Variants in RARB observed in about 807,000 individuals in gnomAD.
RARB encodes HBV-activated protein.
In RARB, 17 loss-of-function variants were observed where a neutral mutation model predicts 51.9. The observed-to-expected ratio is 0.33, with a 90% CI of 0.22 to 0.49. RARB has a LOEUF of 0.49. RARB is among the 20% of genes least tolerant of loss of function. The pLI, the probability that RARB is intolerant of heterozygous loss-of-function variation, is 0.99. For synonymous variants in RARB, 215 were observed against 195.4 expected (o/e 1.10, Z -0.84); for missense variants, 369 against 550.8 (o/e 0.67, Z 3.30).
chr3:25,300,324 G>C (rs1225822288), intron 5 of RARB, among the ~76,000 whole-genome samples: 1 of 152,242 alleles, frequency 6.6e-6, no homozygotes, highest in Non-Finnish European at 1.5e-5. Context: ...TCATGTCTTT[G>C]TGGAGGAAGG....
chr3:24,917,634 G>A (rs1430156761), intron 2 of RARB, among the ~76,000 whole-genome samples: 3 of 152,168 alleles, frequency 2.0e-5, no homozygotes, highest in East Asian at 1.9e-4. Context: ...GGGTTCAAGC[G>A]ATTCTCCTGC....
At chr3:25,415,338 A>C (rs1316375895) in intron 5 of RARB, among the ~76,000 whole-genome samples, 2 of 152,134 alleles carry the variant, frequency 1.3e-5, no homozygotes, top group Admixed American at 6.5e-5. Flanking sequence ...CTTTACATTT[A>C]GGTCCAGGAT....
At chr3:25,082,082 C>T (rs761108262) in intron 3 of RARB, among the ~76,000 whole-genome samples, 1 of 152,102 alleles carries the variant, frequency 6.6e-6, no homozygotes, top group South Asian at 2.1e-4. Context: ...ACTTCAGCTT[C>T]CTTGATACTA....
At chr3:25,288,789 C>G (rs551543419) in intron 5 of RARB, among the ~76,000 whole-genome samples, 5 of 151,844 alleles carry the variant, frequency 3.3e-5, no homozygotes, top group Non-Finnish European at 7.4e-5. Flanking sequence ...TTCTCCCCTA[C>G]AGATTGAAAT....
At chr3:25,031,355 A>G (rs546522770) in intron 2 of RARB, among the ~76,000 whole-genome samples, 1 of 152,336 alleles carries the variant, frequency 6.6e-6, no homozygotes, top group African/African-American at 2.4e-5. Context: ...AACATAGAGC[A>G]GGTCCCAAAC....
chr3:24,990,222 A>C (rs1386078468), intron 2 of RARB, among the ~76,000 whole-genome samples: 1 of 96,086 alleles, frequency 1.0e-5, no homozygotes, highest in Admixed American at 1.3e-4. Context: ...CATGTGCACA[A>C]TGTGCAGGTT....
intron 3 of RARB, among the ~76,000 whole-genome samples, chr3:25,082,126 T>C (rs186405870): frequency 6.6e-6 from 1 of 152,280 alleles, no homozygotes; most frequent in Admixed American, 6.5e-5. Flanking sequence ...GTTTTTTCTT[T>C]TAACCTGTGT....
chr3:25,097,330 T>G (rs1416379473), intron 3 of RARB, among the ~76,000 whole-genome samples: 3 of 152,030 alleles, frequency 2.0e-5, no homozygotes, highest in African/African-American at 7.2e-5. Context: ...AGAAATCTAC[T>G]CAAAGCAAAT....
rs80283484 is a variant in RARB at position 24,938,809 on chromosome 3, T to G, written c.-380+80057T>G. On this transcript the variant is annotated intron_variant, in intron 2 of 11. Coordinates refer to the RARB transcript ENST00000383772. The stretch of plus-strand genomic sequence containing the variant: ...TTCTAAGTACCTCATATAAGTAGAA[T>G]CATACCATATTTGTCCTTTTGTATC... Among the ~76,000 whole-genome samples the G allele has an allele frequency of 4.8e-4, 73 of 152,320 alleles. No individual in the cohort carries two copies. In the East Asian group the frequency reaches 0.014, roughly 29 times the overall value.
intron 2 of RARB, among the ~76,000 whole-genome samples, chr3:24,941,068 A>G (rs1177296297): frequency 1.3e-5 from 2 of 152,076 alleles, no homozygotes; most frequent in Non-Finnish European, 2.9e-5. Context: ...TGTAGGGGGA[A>G]ATTTTTATTG....
chr3:24,992,156 C>G (rs910059553), intron 2 of RARB, among the ~76,000 whole-genome samples: 1 of 152,084 alleles, frequency 6.6e-6, no homozygotes, highest in African/African-American at 2.4e-5. Context: ...TCTGTCACAT[C>G]ATATATTTAT....
chr3:25,296,547 A>G (rs1392370284), intron 5 of RARB, among the ~76,000 whole-genome samples: 1 of 152,330 alleles, frequency 6.6e-6, no homozygotes, highest in Middle Eastern at 3.4e-3. Flanking sequence ...GGTAGCCAGC[A>G]GGTAGTAAAC....
At chr3:25,093,176 T>G (rs1316264860) in intron 3 of RARB, among the ~76,000 whole-genome samples, 3 of 152,194 alleles carry the variant, frequency 2.0e-5, no homozygotes, top group Non-Finnish European at 4.4e-5. Context: ...TAATTAGGTT[T>G]TGGTTATTTT....
At chr3:25,237,625 T>A (rs1702334386) in intron 5 of RARB, among the ~76,000 whole-genome samples, 1 of 152,160 alleles carries the variant, frequency 6.6e-6, no homozygotes, top group South Asian at 2.1e-4. Context: ...TTTTAAAGTG[T>A]ACAATCCAGT....
chr3:25,361,293 T>C (rs571202637), intron 5 of RARB, among the ~76,000 whole-genome samples: 77 of 152,348 alleles, frequency 5.1e-4, no homozygotes, highest in African/African-American at 1.8e-3. Flanking sequence ...TTGTGTATGC[T>C]TCACAAAGTT....
At chr3:25,331,117 GA>G (rs1559360104) in intron 5 of RARB, among the ~76,000 whole-genome samples, 1 of 152,144 alleles carries the variant, frequency 6.6e-6, no homozygotes, top group Admixed American at 6.6e-5. Context: ...ACAGATCAGC[GA>G]GACAGAAAGT....
At chr3:25,080,843 G>A (rs76670185) in intron 3 of RARB, among the ~76,000 whole-genome samples, 2,828 of 151,938 alleles carry the variant, frequency 0.019, 91 homozygotes, top group African/African-American at 0.065. Context: ...CTACTTTTAA[G>A]GTTTTTTAAA....
chr3:25,596,740 C>A lies in RARB; in HGVS notation c.*124C>A. On this transcript the variant is annotated 3_prime_UTR_variant, in exon 8 of 8. Transcript: ENST00000330688. ...AAAAGATATTAAAACTCAAGAAGGA[C>A]CAAGAAGTTTTCATATGTATCAATA... 1 of 872,594 alleles carries A rather than the reference C, an allele frequency of 1.1e-6. No individual in the cohort carries two copies. The highest frequency in any genetic ancestry group is 1.7e-6 in the Non-Finnish European group (1 of 586,124). The allele number at this position is 872,594 out of a possible 1,614,324, so 54.1% of individuals were successfully genotyped here.
chr3:24,854,607 C>T (rs568766829), intron 1 of RARB, among the ~76,000 whole-genome samples: 5 of 152,224 alleles, frequency 3.3e-5, no homozygotes, highest in Non-Finnish European at 5.9e-5. Flanking sequence ...TCTAATGATA[C>T]GACTTTTAAT....
Sources: gnomAD v4.1 joint callset for allele counts (sites outside exome capture counted in the v4.1 genomes callset) on GRCh38, gnomAD v4.1.1 for gene constraint, MANE v1.5 for transcripts, NCBI Gene and HGNC (gene_info 2026-07-23, HGNC 2026-07-21) for gene names.